Variants in VAV1 observed in about 807,000 individuals in gnomAD.
VAV1 encodes the protein vav guanine nucleotide exchange factor 1, also known as proto-oncogene vav.
VAV1 carries 33 observed loss-of-function variants against 128.1 expected under a neutral mutation model. The ratio of observed to expected loss-of-function variants is 0.26; its 90% CI spans 0.20 to 0.34. VAV1 has a LOEUF of 0.34. VAV1 is among the 10% of genes least tolerant of loss of function. The pLI is 1.00. For missense variants in VAV1, 715 were observed against 1,093.7 expected, an observed-to-expected ratio of 0.65 and a Z score of 4.88; for synonymous variants, 394 against 409.8, an observed-to-expected ratio of 0.96 and a Z score of 0.47.
At chr19:6,810,161 A>G (rs1371492833) in intron 1 of VAV1, among the ~76,000 whole-genome samples, 1 of 152,032 alleles carries the variant, frequency 6.6e-6, no homozygotes, top group African/African-American at 2.4e-5. Context: ...TCTGGGTGAC[A>G]GAGCAAGACC....
chr19:6,804,505 C>T (rs1971344012), intron 1 of VAV1, among the ~76,000 whole-genome samples: 1 of 151,884 alleles, frequency 6.6e-6, no homozygotes, highest in African/African-American at 2.4e-5. Flanking sequence ...CAACCTCTGC[C>T]TCCCAGGTTC....
At chr19:6,830,914 C>G (rs1972039475) in intron 14 of VAV1, among the ~76,000 whole-genome samples, 3 of 152,056 alleles carry the variant, frequency 2.0e-5, no homozygotes, top group Non-Finnish European at 2.9e-5. Context: ...ATAGGGAGAT[C>G]CCCGTCTCTA....
rs371494493 is a variant in VAV1, at chr19:6,853,730, C to CAAA, written c.2333-205_2333-203dup. On this transcript the variant is annotated intron_variant, in intron 25 of 26. Coordinates refer to ENST00000602142, the MANE Select transcript of VAV1 (RefSeq NM_005428.4). The stretch of plus-strand genomic sequence containing the variant: ...TGGGTGACAGAGAGAGACTTTATCT[C>CAAA]AAAAAAAAAAAAAAGTGTTATTTTC... Among the ~76,000 whole-genome samples, 1,155 of 136,114 alleles carry CAAA rather than the reference C, an allele frequency of 8.5e-3. 13 individuals are homozygous for CAAA. The highest frequency in any genetic ancestry group is 0.029 in the African/African-American group (1,085 of 37,072). 89.3% of individuals were successfully genotyped at this position (136,114 alleles called of 152,430 possible). A position where few individuals can be genotyped will look rare whatever the true frequency, so the allele number is the denominator to read the frequency against.
chr19:6,830,045 T>A, intron 14 of VAV1, 127 bp downstream of exon 14: 2 of 1,433,952 alleles, frequency 1.4e-6, no homozygotes, highest in Non-Finnish European at 9.4e-7. Context: ...ACTCAACAGG[T>A]GTTTTTTGTT....
At position 6,822,163 on chromosome 19, in the gene VAV1, G is replaced by A. The variant is rs1971806255; in HGVS notation, c.450-58G>A. ...GACAAAGCCCTGCGCTGGGGTCTGC[G>A]GGGACCCTGCTGTGATCTGGGAGAG... is the stretch of plus-strand genomic sequence containing the variant. On this transcript the variant is annotated intron_variant, in intron 4 of 26. Transcript: ENST00000602142. The surrounding 1 kb of genome is among the most constrained non-coding windows in gnomAD (Gnocchi z 5.9). 4.0e-6 allele frequency: 6 copies of A among 1,504,256 alleles called. No homozygotes were observed. Among genetic ancestry groups the A allele is most frequent in the Non-Finnish European group, 4.5e-6 (5 of 1,105,406 alleles). The allele number at this position is 1,504,256 out of a possible 1,614,324, so 93.2% of individuals were successfully genotyped here.
intron 21 of VAV1, among the ~76,000 whole-genome samples, chr19:6,839,777 G>A (rs1972325617): frequency 6.6e-6 from 1 of 151,798 alleles, no homozygotes; most frequent in African/African-American, 2.4e-5. Flanking sequence ...CCGCAGCCTC[G>A]CCTCCCAGGC....
intron 1 of VAV1, among the ~76,000 whole-genome samples, chr19:6,808,001 A>G (rs1471006670): frequency 1.3e-5 from 2 of 149,074 alleles, no homozygotes; most frequent in African/African-American, 2.5e-5. Flanking sequence ...AAAAAAAAAA[A>G]AAAAAAAGAA....
At chr19:6,800,111 G>C (rs552705172) in intron 1 of VAV1, among the ~76,000 whole-genome samples, 1 of 151,928 alleles carries the variant, frequency 6.6e-6, no homozygotes, top group African/African-American at 2.4e-5. Context: ...CAACCTGACC[G>C]ACATAGTGAG....
intron 7 of VAV1, 29 bp downstream of exon 7, chr19:6,825,150 G>C: frequency 6.2e-7 from 1 of 1,606,598 alleles, no homozygotes; most frequent in Non-Finnish European, 8.5e-7. Context: ...AGCCCTCTTG[G>C]GTCTGTCTAG....
Position 6,828,444 on chromosome 19 carries a change from C to A in VAV1, c.1049C>A (p.Ala350Glu). Residue 350 changes from alanine (A) to glutamate (E), a missense_variant, in exon 11 of 27, where the codon GCG (alanine) becomes GAG (glutamate). Ala to Glu is a moderately radical substitution (Grantham distance 107). Coordinates refer to ENST00000602142, the MANE Select transcript of VAV1 (RefSeq NM_005428.4). The surrounding 1 kb of genome is among the most constrained non-coding windows in gnomAD (Gnocchi z 4.5). ...GAGCTGGTGAAACACACGCAGGAGG[C>A]GATGGAGAAGGAGAACCTGCGGCTG... Reference protein sequence around the residue: ...LQELVKHTQEAMEKENLRLAL... With the variant: ...LQELVKHTQEEMEKENLRLAL... 1 of 1,614,082 alleles carries A rather than the reference C, an allele frequency of 6.2e-7. No homozygotes were observed. The highest frequency in any genetic ancestry group is 8.5e-7 in the Non-Finnish European group (1 of 1,180,006).
At chr19:6,814,671 C>CCTTCCTTCCTTTCTTTCTTCCTTT in intron 1 of VAV1, among the ~76,000 whole-genome samples, 1 of 25,796 alleles carries the variant, frequency 3.9e-5, no homozygotes, top group African/African-American at 1.6e-4. Flanking sequence ...TTCCTTCCTT[C>CCTTCCTTCCTTTCTTTCTTCCTTT]CTTTCTTTCT....
At chr19:6,824,252 C>A (rs1049636198) in intron 6 of VAV1, among the ~76,000 whole-genome samples, 7 of 151,970 alleles carry the variant, frequency 4.6e-5, no homozygotes, top group Admixed American at 2.6e-4. Flanking sequence ...AATTTTAGAA[C>A]GTTTTCATCA....
At chr19:6,832,653 T>TTCCTCC (rs151222361) in intron 15 of VAV1, among the ~76,000 whole-genome samples, 18 of 119,664 alleles carry the variant, frequency 1.5e-4, no homozygotes, top group Admixed American at 1.0e-3. Context: ...CCTCCCCTTC[T>TTCCTCC]TCCTCCTCCT....
intron 24 of VAV1, among the ~76,000 whole-genome samples, chr19:6,852,443 C>T (rs531374806): frequency 1.5e-4 from 23 of 152,134 alleles, no homozygotes; most frequent in African/African-American, 3.1e-4. Context: ...TGTTTTTGGC[C>T]GGGCACGGTG....
chr19:6,848,004 A>G lies in VAV1; in HGVS notation c.2019A>G (p.Ala673=), dbSNP rs776815420. The G allele has an allele frequency of 4.5e-5, 68 of 1,513,242 alleles. No individual in the cohort carries two copies. Among genetic ancestry groups the G allele is most frequent in the Non-Finnish European group, 4.9e-5 (56 of 1,138,130 alleles). The allele number at this position is 1,513,242 out of a possible 1,614,324, so 93.7% of individuals were successfully genotyped here. Residue 673 remains alanine, a synonymous_variant, in exon 23 of 27, where the codon GCA becomes GCG. Coordinates refer to ENST00000602142, the MANE Select transcript of VAV1 (RefSeq NM_005428.4). ...PQDLSVHLWY[A]GPMERAGAES... is the part of the protein sequence containing the mutation. ...CCTTGGTGTCTCTTTGCAGGTACGC[A>G]GGCCCCATGGAGCGGGCAGGGGCAG...
chr19:6,796,651 C>T (rs1817403341), intron 1 of VAV1, among the ~76,000 whole-genome samples: 1 of 152,196 alleles, frequency 6.6e-6, no homozygotes, highest in African/African-American at 2.4e-5. Context: ...ATTGTCCCCT[C>T]ACCTCCTTCA....
chr19:6,779,998 C>A (rs769323119), intron 1 of VAV1, among the ~76,000 whole-genome samples: 1 of 148,726 alleles, frequency 6.7e-6, no homozygotes, highest in Non-Finnish European at 1.5e-5. Context: ...GTAGTCCCAG[C>A]TACTCGGGAG....
At chr19:6,791,893 G>C (rs1449443707) in intron 1 of VAV1, among the ~76,000 whole-genome samples, 1 of 152,108 alleles carries the variant, frequency 6.6e-6, no homozygotes, top group Non-Finnish European at 1.5e-5. Flanking sequence ...AAGGTGAGAA[G>C]AATCAGAATG....
intron 1 of VAV1, among the ~76,000 whole-genome samples, chr19:6,803,662 C>G (rs113367654): frequency 3.3e-5 from 5 of 151,954 alleles, no homozygotes; most frequent in Non-Finnish European, 7.4e-5. Flanking sequence ...CTTCCCAGGT[C>G]CAAGCTGTTC....
Sources: allele counts gnomAD v4.1 joint callset (sites outside exome capture counted in the v4.1 genomes callset), GRCh38; gene constraint gnomAD v4.1.1; non-coding constraint Gnocchi (gnomAD v3.1); transcripts MANE v1.5; gene names NCBI Gene and HGNC (gene_info 2026-07-23, HGNC 2026-07-21).